STXBP5L: variants seen among roughly 807,000 people sequenced by gnomAD.
STXBP5L encodes syntaxin-binding protein 5-like.
A neutral mutation model predicts 144.5 loss-of-function variants in STXBP5L; 65 were observed. That is an observed-to-expected ratio of 0.45 (90% CI 0.37 to 0.55). The LOEUF (loss-of-function observed/expected upper bound fraction) is 0.55. Ranked by LOEUF, STXBP5L falls within the 20% of genes least tolerant of loss-of-function variation. STXBP5L has a pLI of 0.00. For missense variants in STXBP5L, 1,298 were observed against 1,405.5 expected, an observed-to-expected ratio of 0.92 and a Z score of 1.22; for synonymous variants, 505 against 469.6, an observed-to-expected ratio of 1.08 and a Z score of -0.97.
At chr3:121,147,651 G>A (rs184090552) in intron 7 of STXBP5L, among the ~76,000 whole-genome samples, 1 of 152,232 alleles carries the variant, frequency 6.6e-6, no homozygotes, top group Non-Finnish European at 1.5e-5. Context: ...TGGGCCTTGA[G>A]GTAACCAAAT....
intron 5 of STXBP5L, among the ~76,000 whole-genome samples, chr3:121,107,220 T>A (rs1031215726): frequency 1.3e-5 from 2 of 152,178 alleles, no homozygotes; most frequent in East Asian, 3.8e-4. Context: ...TTTAGCTTAA[T>A]TAGATCCCGT....
chr3:121,158,300 CATTG>C (rs2046192387), intron 9 of STXBP5L: 1 of 152,058 alleles, frequency 6.6e-6, no homozygotes, highest in Non-Finnish European at 1.5e-5. Flanking sequence ...TACCTCATAT[CATTG>C]ATTATTTGTA....
At chr3:121,396,554 C>T (rs1234005851) in intron 22 of STXBP5L, among the ~76,000 whole-genome samples, 2 of 152,234 alleles carry the variant, frequency 1.3e-5, no homozygotes, top group African/African-American at 4.8e-5. Context: ...ATATGTGTGA[C>T]ATCCGTTTGC....
At chr3:121,318,908 T>C (rs1435003358) in intron 20 of STXBP5L, among the ~76,000 whole-genome samples, 1 of 152,182 alleles carries the variant, frequency 6.6e-6, no homozygotes, top group Non-Finnish European at 1.5e-5. Flanking sequence ...ACAGTATATA[T>C]GCAGAAGCAA....
intron 9 of STXBP5L, among the ~76,000 whole-genome samples, chr3:121,192,713 C>G (rs1450177903): frequency 6.6e-6 from 1 of 152,186 alleles, no homozygotes; most frequent in South Asian, 2.1e-4. Flanking sequence ...CAAAAACCAG[C>G]AATGGGGAAA....
chr3:121,259,193 T>C (rs1421172377), intron 18 of STXBP5L, 25 bp downstream of exon 18: 1 of 1,507,012 alleles, frequency 6.6e-7, no homozygotes, highest in South Asian at 1.4e-5. Context: ...TTTTTTATGA[T>C]ATGTATTATT....
At chr3:121,123,291 A>G (rs914495706) in intron 7 of STXBP5L, among the ~76,000 whole-genome samples, 1 of 151,652 alleles carries the variant, frequency 6.6e-6, no homozygotes, top group African/African-American at 2.4e-5. Flanking sequence ...CATTTAAAAC[A>G]TATATTCGTT....
intron 5 of STXBP5L, among the ~76,000 whole-genome samples, chr3:121,063,719 G>A (rs2041402422): frequency 6.6e-6 from 1 of 152,136 alleles, no homozygotes; most frequent in African/African-American, 2.4e-5. Context: ...GAGGAGGTCT[G>A]GCTATAGCAC....
intron 8 of STXBP5L, among the ~76,000 whole-genome samples, chr3:121,155,307 A>G (rs1245933901): frequency 6.6e-6 from 1 of 151,844 alleles, no homozygotes; most frequent in Non-Finnish European, 1.5e-5. Flanking sequence ...CTTATCTCTG[A>G]GCCTTTGCTC....
chr3:121,290,144 A>G (rs1325347604), intron 19 of STXBP5L, among the ~76,000 whole-genome samples: 1 of 152,166 alleles, frequency 6.6e-6, no homozygotes, highest in Admixed American at 6.6e-5. Flanking sequence ...AACAAAATTG[A>G]CAGAACATTA....
At chr3:121,012,558 A>T (rs1944856745) in intron 3 of STXBP5L, among the ~76,000 whole-genome samples, 2 of 151,716 alleles carry the variant, frequency 1.3e-5, no homozygotes, top group Admixed American at 1.3e-4. Flanking sequence ...GGTGGTTTTG[A>T]TAGGCATGTC....
At chr3:121,237,688 G>T (rs762018324) in intron 12 of STXBP5L, among the ~76,000 whole-genome samples, 7 of 152,106 alleles carry the variant, frequency 4.6e-5, no homozygotes, top group Admixed American at 1.3e-4. Context: ...TGATTCCATT[G>T]TGGACATAAT....
rs969181616 is a variant in STXBP5L, at chr3:121,102,980, C to T, written c.471-11945C>T. On this transcript the variant is annotated intron_variant, in intron 5 of 26. Coordinates refer to ENST00000471454, the MANE Select transcript of STXBP5L (RefSeq NM_001308330.2). ...CACATAACTAATCATCAGAGAAATG[C>T]AAATCAAAAACCACAATGAGATATT... Among the ~76,000 whole-genome samples the T allele has an allele frequency of 3.3e-5, 5 of 152,112 alleles. No individual in the cohort carries two copies. In the South Asian group the frequency reaches 1.0e-3, roughly 32 times the overall value.
intron 2 of STXBP5L, among the ~76,000 whole-genome samples, chr3:120,948,224 A>G (rs182448613): frequency 4.4e-4 from 66 of 151,376 alleles, no homozygotes; most frequent in African/African-American, 1.6e-3. Flanking sequence ...TTCGGTGTTT[A>G]TTGGCCATTT....
At position 121,135,487 on chromosome 3, in the gene STXBP5L, C is replaced by T. The variant is rs181964565; in HGVS notation, c.669+13783C>T. Among the ~76,000 whole-genome samples, 6 of 152,158 alleles carry T rather than the reference C, an allele frequency of 3.9e-5. No homozygotes were observed. In the East Asian group the frequency reaches 9.7e-4, roughly 25 times the overall value. On this transcript the variant is annotated intron_variant, in intron 7 of 26. Transcript: ENST00000471454. Reference sequence around the variant, plus strand: ...GCTTGTTTTGCTGCAACTATATGGTCCCATCTGGGGGTGATGGATCATCAG... The same window carrying T: ...GCTTGTTTTGCTGCAACTATATGGTTCCATCTGGGGGTGATGGATCATCAG...
intron 9 of STXBP5L, among the ~76,000 whole-genome samples, chr3:121,162,840 A>G (rs1400438574): frequency 6.6e-6 from 1 of 152,250 alleles, no homozygotes. Context: ...ATCACTGGTC[A>G]TTAGAGAAAT....
chr3:121,006,344 A>C (rs907695288), intron 3 of STXBP5L, among the ~76,000 whole-genome samples: 1 of 151,972 alleles, frequency 6.6e-6, no homozygotes, highest in Non-Finnish European at 1.5e-5. Flanking sequence ...GTTGGTTTAA[A>C]GTCTGTTTTA....
At chr3:121,361,798 C>T (rs2045720428) in intron 20 of STXBP5L, among the ~76,000 whole-genome samples, 1 of 151,886 alleles carries the variant, frequency 6.6e-6, no homozygotes, top group Non-Finnish European at 1.5e-5. Flanking sequence ...GTCTCTGGTG[C>T]CTTATTTAAT....
chr3:121,258,601 G>C (rs2050286294), intron 17 of STXBP5L, among the ~76,000 whole-genome samples: 1 of 152,140 alleles, frequency 6.6e-6, no homozygotes, highest in South Asian at 2.1e-4. Flanking sequence ...GGAAGTATGA[G>C]AGAAAGATAT....
Sources: allele counts gnomAD v4.1 joint callset (sites outside exome capture counted in the v4.1 genomes callset), GRCh38; gene constraint gnomAD v4.1.1; transcripts MANE v1.5; gene names NCBI Gene and HGNC (gene_info 2026-07-23, HGNC 2026-07-21).